Variants in MTUS2 observed in about 807,000 individuals in gnomAD.
The protein encoded by MTUS2 is microtubule associated scaffold protein 2.
In MTUS2, 40 loss-of-function variants were observed where a neutral mutation model predicts 114.1. The ratio of observed to expected loss-of-function variants is 0.35; its 90% confidence interval spans 0.27 to 0.46. MTUS2 has a LOEUF of 0.46. Ranked by LOEUF, MTUS2 falls within the 20% of genes least tolerant of loss-of-function variation. The probability of loss-of-function intolerance (pLI) is 1.00; values close to 1 mark genes in which losing one functional copy is unlikely to be tolerated. For synonymous variants in MTUS2, 688 were observed against 672.0 expected (o/e 1.02, Z -0.37); for missense variants, 1,679 against 1,705.4 (o/e 0.98, Z 0.27).
chr13:29,375,626 T>TAAAAAAA (rs1363849221), intron 8 of MTUS2, among the ~76,000 whole-genome samples: 1 of 6,692 alleles, frequency 1.5e-4, no homozygotes, highest in African/African-American at 2.3e-4. Context: ...TATATATATA[T>TAAAAAAA]ATATATATAT....
chr13:29,175,992 A>G (rs1347629458), intron 5 of MTUS2, among the ~76,000 whole-genome samples: 1 of 152,134 alleles, frequency 6.6e-6, no homozygotes, highest in Admixed American at 6.5e-5. Context: ...TTACAGTCCC[A>G]ACTTGGTCAT....
At position 29,382,913 on chromosome 13, in the gene MTUS2, C is replaced by T. The variant is rs572977473; in HGVS notation, c.3117+23440C>T. On this transcript the variant is annotated intron_variant, in intron 8 of 15. Transcript: ENST00000612955. Reference sequence around the variant, plus strand: ...AAAAAATAGGCTCAAATGAGAGAAACCTGGCTGACTGAGGGACAGAGGAGA... The same window carrying T: ...AAAAAATAGGCTCAAATGAGAGAAATCTGGCTGACTGAGGGACAGAGGAGA... Among the ~76,000 whole-genome samples the T allele has an allele frequency of 6.6e-5, 10 of 151,948 alleles. No individual in the cohort carries two copies. In the East Asian group the frequency reaches 1.5e-3, roughly 24 times the overall value.
intron 7 of MTUS2, among the ~76,000 whole-genome samples, chr13:29,333,356 C>A (rs185105493): frequency 2.0e-5 from 3 of 152,192 alleles, no homozygotes; most frequent in Admixed American, 2.0e-4. Context: ...CACCACCATG[C>A]CCGGTTAATT....
At chr13:29,378,324 G>GT (rs1309197614) in intron 8 of MTUS2, among the ~76,000 whole-genome samples, 11 of 151,796 alleles carry the variant, frequency 7.2e-5, no homozygotes, top group African/African-American at 2.4e-4. Flanking sequence ...TCATATGGTT[G>GT]TTTTCTTATT....
chr13:28,864,467 C>T (rs1877179052), intron 2 of MTUS2, among the ~76,000 whole-genome samples: 1 of 152,164 alleles, frequency 6.6e-6, no homozygotes, highest in South Asian at 2.1e-4. Flanking sequence ...CTCATCATGT[C>T]GGTGAGGGAG....
chr13:29,389,832 TATATACATAC>T (rs771284633), intron 8 of MTUS2, among the ~76,000 whole-genome samples: 27,383 of 35,320 alleles, frequency 0.78, 13,068 homozygotes, highest in East Asian at 0.97. Context: ...CATATGTGTA[TATATACATAC>T]ATATGTGTAT....
At chr13:29,355,365 G>A (rs1243077879) in intron 7 of MTUS2, among the ~76,000 whole-genome samples, 3 of 149,002 alleles carry the variant, frequency 2.0e-5, no homozygotes, top group African/African-American at 7.8e-5. Flanking sequence ...GAGTTATGTA[G>A]CCAGTAGGAC....
chr13:28,995,801 G>A (rs1885074048), intron 2 of MTUS2, among the ~76,000 whole-genome samples: 1 of 152,180 alleles, frequency 6.6e-6, no homozygotes, highest in South Asian at 2.1e-4. Flanking sequence ...TTTGGGCTGA[G>A]AAAATGGCGT....
At chr13:29,121,371 C>T (rs1891298520) in intron 5 of MTUS2, among the ~76,000 whole-genome samples, 1 of 152,068 alleles carries the variant, frequency 6.6e-6, no homozygotes, top group Non-Finnish European at 1.5e-5. Flanking sequence ...AAAGAGCTTA[C>T]TTTATATTGC....
At chr13:29,356,048 A>G (rs969921895) in intron 7 of MTUS2, among the ~76,000 whole-genome samples, 2 of 152,136 alleles carry the variant, frequency 1.3e-5, no homozygotes, top group South Asian at 4.1e-4. Context: ...TGGTGAGGTC[A>G]GTGGCATGCC....
intron 5 of MTUS2, among the ~76,000 whole-genome samples, chr13:29,111,368 T>A (rs1357061951): frequency 2.0e-5 from 3 of 152,194 alleles, no homozygotes; most frequent in Non-Finnish European, 4.4e-5. Context: ...AGCTATGAGA[T>A]GCTTGGGAGT....
At chr13:29,409,208 C>T (rs565586879) in intron 8 of MTUS2, among the ~76,000 whole-genome samples, 5 of 152,114 alleles carry the variant, frequency 3.3e-5, no homozygotes, top group African/African-American at 9.6e-5. Flanking sequence ...CTCAGCTACT[C>T]GGGAGGCTGA....
intron 5 of MTUS2, among the ~76,000 whole-genome samples, chr13:29,139,783 C>A (rs1237301326): frequency 6.6e-6 from 1 of 152,166 alleles, no homozygotes; most frequent in Non-Finnish European, 1.5e-5. Flanking sequence ...TCCTTTTGTG[C>A]CATGATTCCT....
chr13:29,006,096 T>C (rs748510120), intron 2 of MTUS2, among the ~76,000 whole-genome samples: 1 of 152,138 alleles, frequency 6.6e-6, no homozygotes, highest in Non-Finnish European at 1.5e-5. Flanking sequence ...GCTGTGCAAG[T>C]TCCTGGAGAG....
chr13:29,260,662 G>T (rs569782036), intron 5 of MTUS2, among the ~76,000 whole-genome samples: 11 of 152,302 alleles, frequency 7.2e-5, no homozygotes, highest in African/African-American at 2.6e-4. Context: ...TAGCAAGAAA[G>T]CTAACTCAGC....
chr13:29,185,371 A>C (rs1204361664), intron 5 of MTUS2, among the ~76,000 whole-genome samples: 1 of 152,216 alleles, frequency 6.6e-6, no homozygotes, highest in African/African-American at 2.4e-5. Flanking sequence ...TGCTTGAAGA[A>C]ATAAGGGTGA....
intron 5 of MTUS2, among the ~76,000 whole-genome samples, chr13:29,274,516 C>T (rs566115001): frequency 2.2e-4 from 33 of 152,166 alleles, no homozygotes; most frequent in Non-Finnish European, 4.3e-4. Flanking sequence ...CTCCACATCC[C>T]TATCAATACT....
chr13:28,989,835 T>C (rs1884747231), intron 2 of MTUS2, among the ~76,000 whole-genome samples: 1 of 112,806 alleles, frequency 8.9e-6, no homozygotes, highest in African/African-American at 3.1e-5. Context: ...CTTTGGGCCT[T>C]TTTTTTGTTT....
chr13:29,167,365 A>G (rs1333652128), intron 5 of MTUS2, among the ~76,000 whole-genome samples: 1 of 150,636 alleles, frequency 6.6e-6, no homozygotes, highest in African/African-American at 2.4e-5. Context: ...ACAGAGCAAG[A>G]CTCTATCTCA....
Sources: gnomAD v4.1 joint callset for allele counts (sites outside exome capture counted in the v4.1 genomes callset) on GRCh38, gnomAD v4.1.1 for gene constraint, MANE v1.5 for transcripts, NCBI Gene and HGNC (gene_info 2026-07-23, HGNC 2026-07-21) for gene names.